ADAM11: variants seen among roughly 807,000 people sequenced by gnomAD.
ADAM11 encodes the protein disintegrin and metalloproteinase domain-containing protein 11.
Under a neutral mutation model 119.1 loss-of-function variants are expected in ADAM11, and 49 were observed. The ratio of observed to expected loss-of-function variants is 0.41; its 90% confidence interval spans 0.33 to 0.52. ADAM11 has a LOEUF of 0.52. Ranked by LOEUF, ADAM11 falls within the 20% of genes least tolerant of loss-of-function variation. ADAM11 has a pLI of 0.20. For synonymous variants in ADAM11, 364 were observed against 408.0 expected (o/e 0.89, Z 1.30); for missense variants, 777 against 1,047.5 (o/e 0.74, Z 3.56).
rs2049604822 is a variant in ADAM11, at chr17:44,776,640, T to C, written c.1567-105T>C. 7.3e-7 allele frequency: 1 copy of C among 1,367,074 alleles called. No individual in the cohort carries two copies. The highest frequency in any genetic ancestry group is 2.0e-5 in the Admixed American group (1 of 49,638). The allele number at this position is 1,367,074 out of a possible 1,614,324, so 84.7% of individuals were successfully genotyped here. On this transcript the variant is annotated intron_variant, in intron 18 of 26. Coordinates refer to ENST00000200557, the MANE Select transcript of ADAM11 (RefSeq NM_002390.6). This position sits in a 1 kb window ranked among gnomAD's most constrained non-coding sequence, Gnocchi z 5.2. Reference sequence around the variant, plus strand: ...CTAGGCGTGGAAGAGCCCTGTGGCATGAGCCCCCAATGGGGGGCACTTGGT... The same window carrying C: ...CTAGGCGTGGAAGAGCCCTGTGGCACGAGCCCCCAATGGGGGGCACTTGGT...
rs68017435 is a variant in ADAM11, at chr17:44,772,984, T to C, written c.754-30T>C. ...GACACTGGGAGGCCCCTGAGGAGCC[T>C]GGCCCTCCTCCCATTCTTCTCTCTC... On this transcript the variant is annotated intron_variant, in intron 9 of 26. Coordinates refer to ENST00000200557, the MANE Select transcript of ADAM11 (RefSeq NM_002390.6). This position sits in a 1 kb window ranked among gnomAD's most constrained non-coding sequence, Gnocchi z 4.5. 538,429 of 1,613,580 alleles carry C rather than the reference T, an allele frequency of 0.33. 92,164 individuals are homozygous for C. The highest frequency in any genetic ancestry group is 0.46 in the South Asian group (41,551 of 91,062).
Position 44,779,799 on chromosome 17 carries a change from C to CT in ADAM11, c.*46dup. 6.2e-7 allele frequency: 1 copy of CT among 1,610,604 alleles called. No individual in the cohort carries two copies. Among genetic ancestry groups the CT allele is most frequent in the Non-Finnish European group, 8.5e-7 (1 of 1,177,602 alleles). On this transcript the variant is annotated 3_prime_UTR_variant, in exon 27 of 27. Coordinates refer to ENST00000200557, the MANE Select transcript of ADAM11 (RefSeq NM_002390.6). ...AAGCCTGGCACCCACCGTCTCGGCCCTGAACCACGAGGCTGCCCCCATCCA... is the reference window on the plus strand; with the variant it reads ...AAGCCTGGCACCCACCGTCTCGGCCCTTGAACCACGAGGCTGCCCCCATCCA...
chr17:44,775,493 G>A lies in ADAM11; in HGVS notation c.1392+28G>A. On this transcript the variant is annotated intron_variant, in intron 16 of 26. Coordinates refer to ENST00000200557, the MANE Select transcript of ADAM11 (RefSeq NM_002390.6). This position sits in a 1 kb window ranked among gnomAD's most constrained non-coding sequence, Gnocchi z 7.5. ...GAGCGGTGGTGCGGGCGCCAGGTGG[G>A]GAACCGGGATGCGGGGGTGGGCACG... is the stretch of plus-strand genomic sequence containing the variant. 6.3e-7 allele frequency: 1 copy of A among 1,597,162 alleles called. No individual in the cohort carries two copies. Among genetic ancestry groups the A allele is most frequent in the Non-Finnish European group, 8.5e-7 (1 of 1,175,000 alleles).
chr17:44,781,412 C>T lies in ADAM11; in HGVS notation c.*1658C>T, dbSNP rs919543789. On this transcript the variant is annotated 3_prime_UTR_variant, in exon 27 of 27. Coordinates refer to ENST00000200557, the MANE Select transcript of ADAM11 (RefSeq NM_002390.6). ...CCTCCGGCCAGCTCTGCTCCACCAG[C>T]CCTGCAAGCTGATGCAGGGCGGGGG... 6.6e-6 allele frequency: 1 copy of T among 152,190 alleles called. No homozygotes were observed. The highest frequency in any genetic ancestry group is 1.5e-5 in the Non-Finnish European group (1 of 68,038). 9.4% of individuals were successfully genotyped at this position (152,190 alleles called of 1,614,324 possible).
chr17:44,779,589 A>G (rs1489454898), intron 26 of ADAM11, 150 bp from the exon 27 acceptor site: 3 of 1,474,180 alleles, frequency 2.0e-6, no homozygotes, highest in Non-Finnish European at 2.7e-6. Flanking sequence ...CCATATCACC[A>G]CTGTCTGACC....
chr17:44,776,061 G>A lies in ADAM11; in HGVS notation c.1486-66G>A. On this transcript the variant is annotated intron_variant, in intron 17 of 26. Transcript: ENST00000200557. This position sits in a 1 kb window ranked among gnomAD's most constrained non-coding sequence, Gnocchi z 5.2. Reference sequence around the variant, plus strand: ...GGGATGTGGGGGTCCAGAGAGCGAGGGGCCTGGGGAGGGCAGGGCCGAGGC... The same window carrying A: ...GGGATGTGGGGGTCCAGAGAGCGAGAGGCCTGGGGAGGGCAGGGCCGAGGC... The A allele has an allele frequency of 1.3e-6, 2 of 1,578,666 alleles. No homozygotes were observed. Among genetic ancestry groups the A allele is most frequent in the Non-Finnish European group, 1.7e-6 (2 of 1,151,694 alleles).
intron 12 of ADAM11, 56 bp from the exon 13 acceptor site, chr17:44,774,436 C>T (rs936179042): frequency 1.3e-6 from 2 of 1,584,686 alleles, no homozygotes; most frequent in Non-Finnish European, 1.7e-6. Flanking sequence ...GCTTCAGGGG[C>T]ACGACGTGCC....
intron 13 of ADAM11, 31 bp downstream of exon 13, chr17:44,774,613 C>T (rs1283606122): frequency 6.2e-7 from 1 of 1,606,714 alleles, no homozygotes; most frequent in South Asian, 1.1e-5. Context: ...CCGTGTGGCC[C>T]ACGCCCAGCA....
intron 2 of ADAM11, among the ~76,000 whole-genome samples, chr17:44,761,339 A>G (rs967259208): frequency 1.3e-5 from 2 of 152,176 alleles, no homozygotes; most frequent in Non-Finnish European, 1.5e-5. Context: ...AGGTATTCCA[A>G]CTGGGCAGGT....
chr17:44,762,838 G>A (rs939900721), intron 2 of ADAM11, among the ~76,000 whole-genome samples: 3 of 152,030 alleles, frequency 2.0e-5, no homozygotes, highest in Admixed American at 1.3e-4. Flanking sequence ...GAGATATAGC[G>A]GCCAAGAAGG....
In ADAM11 at chr17:44,770,493, C is replaced by G. The variant is rs56102789; in HGVS notation, c.381+445C>G. 4.3e-3 allele frequency among the ~76,000 whole-genome samples: 203 copies of G among 47,620 alleles called. 8 individuals are homozygous for G. Among genetic ancestry groups the G allele is most frequent in the African/African-American group, 0.017 (197 of 11,628 alleles). 31.2% of individuals were successfully genotyped at this position (47,620 alleles called of 152,430 possible). A position where few individuals can be genotyped will look rare whatever the true frequency, so the allele number is the denominator to read the frequency against. Reference sequence around the variant, plus strand: ...GTGTCTATAAATAGCCTGTCTCCCCCCCCCCCGCCCCCACTGCCTGTTCAG... The same window carrying G: ...GTGTCTATAAATAGCCTGTCTCCCCGCCCCCCGCCCCCACTGCCTGTTCAG... On this transcript the variant is annotated intron_variant, in intron 4 of 26. Transcript: ENST00000200557.
chr17:44,781,068 A>G lies in ADAM11; in HGVS notation c.*1314A>G, dbSNP rs1375713817. The stretch of plus-strand genomic sequence containing the variant: ...CCCTAAAAGGTAGCTGGCAGGGGCA[A>G]GATGGGGGCCAGCTACCTAATGGAT... On this transcript the variant is annotated 3_prime_UTR_variant, in exon 27 of 27. Coordinates refer to ENST00000200557, the MANE Select transcript of ADAM11 (RefSeq NM_002390.6). 4 of 152,380 alleles carry G rather than the reference A, an allele frequency of 2.6e-5. No individual in the cohort carries two copies. In the East Asian group the frequency reaches 7.8e-4, roughly 30 times the overall value. 9.4% of individuals were successfully genotyped at this position (152,380 alleles called of 1,614,324 possible).
At chr17:44,770,289 G>T (rs546019116) in intron 4 of ADAM11, among the ~76,000 whole-genome samples, 1 of 152,088 alleles carries the variant, frequency 6.6e-6, no homozygotes, top group Non-Finnish European at 1.5e-5. Context: ...GCCAGCCCAC[G>T]TGGGGCCTAC....
At chr17:44,779,683 G>T in intron 26 of ADAM11, 56 bp from the exon 27 acceptor site, 3 of 1,560,784 alleles carry the variant, frequency 1.9e-6, no homozygotes, top group Middle Eastern at 1.9e-4. Flanking sequence ...CCTGCTGGGG[G>T]GCTCTCCCCG....
chr17:44,770,457 A>C (rs1337750119), intron 4 of ADAM11, among the ~76,000 whole-genome samples: 1 of 150,950 alleles, frequency 6.6e-6, no homozygotes, highest in East Asian at 2.0e-4. Context: ...CTAGAGCCTG[A>C]AAATGAATGA....
intron 2 of ADAM11, among the ~76,000 whole-genome samples, chr17:44,766,015 C>T (rs999830354): frequency 1.3e-5 from 2 of 151,980 alleles, no homozygotes; most frequent in African/African-American, 4.8e-5. Flanking sequence ...GTGTTGAGCT[C>T]GTGGGCAGGG....
chr17:44,769,894 A>C (rs1188874371), intron 3 of ADAM11, 88 bp from the exon 4 acceptor site: 3 of 1,605,124 alleles, frequency 1.9e-6, no homozygotes, highest in Non-Finnish European at 2.6e-6. Flanking sequence ...GCCTGGGCAG[A>C]GGGGACCTGG....
intron 25 of ADAM11, among the ~76,000 whole-genome samples, chr17:44,778,650 C>T (rs149265880): frequency 0.034 from 4,048 of 118,608 alleles, 88 homozygotes; most frequent in South Asian, 0.1. Flanking sequence ...GAGATCGCAC[C>T]ATTGCACTCC....
chr17:44,766,999 G>T (rs1303701707), intron 2 of ADAM11, among the ~76,000 whole-genome samples: 1 of 151,102 alleles, frequency 6.6e-6, no homozygotes, highest in Admixed American at 6.6e-5. Context: ...GAGCCCAGGA[G>T]TTCAAGATCA....
Sources: gnomAD v4.1 joint callset for allele counts (sites outside exome capture counted in the v4.1 genomes callset) on GRCh38, gnomAD v4.1.1 for gene constraint, Gnocchi (gnomAD v3.1) non-coding constraint, MANE v1.5 for transcripts, NCBI Gene and HGNC (gene_info 2026-07-23, HGNC 2026-07-21) for gene names.